Variants in THSD7B observed in about 807,000 individuals in gnomAD.
THSD7B encodes thrombospondin type 1 domain containing 7B, also known as thrombospondin type-1 domain-containing protein 7B.
Under a neutral mutation model 213.6 loss-of-function variants are expected in THSD7B, and 138 were observed. The observed-to-expected ratio is 0.65, with a 90% confidence interval of 0.56 to 0.74. THSD7B has a LOEUF of 0.74. Among genes scored for constraint, THSD7B ranks in the 30% least tolerant of loss-of-function variants. The pLI, the probability that THSD7B is intolerant of heterozygous loss-of-function variation, is 0.00. For synonymous variants in THSD7B, 742 were observed against 687.0 expected (o/e 1.08, Z -1.25); for missense variants, 1,931 against 1,991.5 (o/e 0.97, Z 0.58).
intron 2 of THSD7B, among the ~76,000 whole-genome samples, chr2:136,902,943 A>G (rs929538924): frequency 1.3e-5 from 2 of 152,204 alleles, no homozygotes; most frequent in Non-Finnish European, 2.9e-5. Flanking sequence ...AAGCTGGTCC[A>G]GCATAGAGGC....
chr2:136,843,704 C>A (rs1357668170), intron 1 of THSD7B, among the ~76,000 whole-genome samples: 1 of 152,120 alleles, frequency 6.6e-6, no homozygotes, highest in Non-Finnish European at 1.5e-5. Context: ...CACTTGTTAC[C>A]TGATTTGCAG....
chr2:136,969,320 C>A (rs1002873978), intron 2 of THSD7B, among the ~76,000 whole-genome samples: 23 of 152,250 alleles, frequency 1.5e-4, no homozygotes, highest in African/African-American at 5.5e-4. Context: ...TGTTTCTCAG[C>A]ACATGGCTAT....
rs544807289 is a variant in THSD7B, at chr2:137,083,415, T to G, written c.951-11458T>G. On this transcript the variant is annotated intron_variant, in intron 3 of 27. Transcript: ENST00000409968. ...CTTCTCCGTCATATTTTTAAAACTC[T>G]TATTCAAATACCTTTGTTAAATTTC... is the stretch of plus-strand genomic sequence containing the variant. 6.6e-5 allele frequency among the ~76,000 whole-genome samples: 10 copies of G among 152,154 alleles called. No individual in the cohort carries two copies. In the South Asian group the frequency reaches 1.4e-3, roughly 22 times the overall value.
Position 137,320,690 on chromosome 2 carries a change from A to C in THSD7B, c.2500+44664A>C, listed in dbSNP as rs185234354. Among the ~76,000 whole-genome samples the C allele has an allele frequency of 1.2e-3, 184 of 152,354 alleles. 3 individuals are homozygous for C. Among genetic ancestry groups the C allele is most frequent in the Middle Eastern group, 6.8e-3 (2 of 294 alleles). On this transcript the variant is annotated intron_variant, in intron 12 of 27. Coordinates refer to ENST00000409968, the MANE Select transcript of THSD7B (RefSeq NM_001316349.2). The stretch of plus-strand genomic sequence containing the variant: ...TTTACTGTGAATCCACTAACCATCT[A>C]AAAAGTGCTTACAAAGGTGGAATGG...
rs116640322 is a variant in THSD7B, at chr2:136,769,958, A to G, written c.-36+4271A>G. On this transcript the variant is annotated intron_variant, in intron 1 of 27. Coordinates refer to ENST00000409968, the MANE Select transcript of THSD7B (RefSeq NM_001316349.2). ...TGAGCCTCTTGTAATTAAACATGCC[A>G]TAGCTAAAAACAGAATCCTAAGTAA... is the stretch of plus-strand genomic sequence containing the variant. Among the ~76,000 whole-genome samples, 153 of 152,352 alleles carry G rather than the reference A, an allele frequency of 1.0e-3. 1 individual carries two copies. The highest frequency in any genetic ancestry group is 4.4e-3 in the East Asian group (23 of 5,190).
intron 1 of THSD7B, among the ~76,000 whole-genome samples, chr2:136,846,487 A>G (rs1683012144): frequency 6.6e-6 from 1 of 152,194 alleles, no homozygotes; most frequent in Non-Finnish European, 1.5e-5. Flanking sequence ...GCAACACCCC[A>G]GTACCTGCCT....
intron 5 of THSD7B, among the ~76,000 whole-genome samples, chr2:137,130,531 C>A: frequency 8.6e-6 from 1 of 116,914 alleles, no homozygotes. Flanking sequence ...CTTCCCCCTC[C>A]CCCCACCCCA....
chr2:137,237,559 G>T (rs917173997), intron 9 of THSD7B, among the ~76,000 whole-genome samples: 1 of 152,200 alleles, frequency 6.6e-6, no homozygotes, highest in Non-Finnish European at 1.5e-5. Flanking sequence ...CAAAATTAGT[G>T]TATGTACAGC....
Position 137,293,343 on chromosome 2 carries a change from G to A in THSD7B, c.2500+17317G>A, listed in dbSNP as rs114911448. Among the ~76,000 whole-genome samples the A allele has an allele frequency of 2.3e-3, 348 of 151,948 alleles. 2 individuals carry two copies. The highest frequency in any genetic ancestry group is 8.1e-3 in the African/African-American group (336 of 41,464). ...GGGTAGAAACGGGTTTTGCCATGTT[G>A]CCCAGGATGACCTAAAATCCCTGAG... On this transcript the variant is annotated intron_variant, in intron 12 of 27. Coordinates refer to ENST00000409968, the MANE Select transcript of THSD7B (RefSeq NM_001316349.2).
intron 1 of THSD7B, among the ~76,000 whole-genome samples, chr2:136,870,215 T>C (rs1683410212): frequency 6.6e-6 from 1 of 152,242 alleles, no homozygotes; most frequent in Admixed American, 6.5e-5. Flanking sequence ...GAATAATTTC[T>C]CAAAATGTTT....
intron 5 of THSD7B, among the ~76,000 whole-genome samples, chr2:137,134,432 A>T (rs1688794867): frequency 6.6e-6 from 1 of 152,144 alleles, no homozygotes; most frequent in South Asian, 2.1e-4. Context: ...TGGGGACGAA[A>T]GGGGTACTCT....
At chr2:137,029,857 G>A (rs1686630015) in intron 2 of THSD7B, among the ~76,000 whole-genome samples, 1 of 152,168 alleles carries the variant, frequency 6.6e-6, no homozygotes, top group South Asian at 2.1e-4. Flanking sequence ...ACGGAGCATA[G>A]CCTTGGAAAT....
intron 15 of THSD7B, among the ~76,000 whole-genome samples, chr2:137,536,072 G>A (rs78281594): frequency 0.14 from 21,056 of 148,544 alleles, 1,665 homozygotes; most frequent in South Asian, 0.28. Flanking sequence ...CTCAAAACAC[G>A]GCAGGGCCCT....
At chr2:137,550,681 G>A (rs559519228) in intron 15 of THSD7B, among the ~76,000 whole-genome samples, 14 of 152,124 alleles carry the variant, frequency 9.2e-5, no homozygotes, top group African/African-American at 3.1e-4. Flanking sequence ...CATGGCTTAC[G>A]ACTGCATTTA....
At chr2:137,536,307 G>A (rs188328240) in intron 15 of THSD7B, among the ~76,000 whole-genome samples, 38 of 151,526 alleles carry the variant, frequency 2.5e-4, no homozygotes, top group African/African-American at 8.2e-4. Context: ...TGTCTGCTGA[G>A]TCTCAAAAAT....
chr2:137,100,849 G>T (rs146691579), intron 4 of THSD7B, among the ~76,000 whole-genome samples: 2 of 152,240 alleles, frequency 1.3e-5, no homozygotes, highest in East Asian at 3.9e-4. Flanking sequence ...CAGGAAGCTT[G>T]CCACAGTTCC....
chr2:137,556,368 A>G (rs1412553833), intron 15 of THSD7B, among the ~76,000 whole-genome samples: 2 of 152,202 alleles, frequency 1.3e-5, no homozygotes, highest in African/African-American at 4.8e-5. Context: ...ACAAGCCAAA[A>G]GAGAGTGGGG....
chr2:137,396,492 C>G lies in THSD7B; in HGVS notation c.2501-9121C>G, dbSNP rs1233378610. Reference sequence around the variant, plus strand: ...AGCGGTTTTGAGTGAGATTCTTAATCCTGAGTTCTAGTTTGATTGCACTGT... The same window carrying G: ...AGCGGTTTTGAGTGAGATTCTTAATGCTGAGTTCTAGTTTGATTGCACTGT... On this transcript the variant is annotated intron_variant, in intron 12 of 27. Transcript: ENST00000409968. Among the ~76,000 whole-genome samples, 9 of 146,202 alleles carry G rather than the reference C, an allele frequency of 6.2e-5. 1 individual carries two copies. Among genetic ancestry groups the G allele is most frequent in the Admixed American group, 3.4e-4 (5 of 14,566 alleles).
chr2:137,429,228 A>G lies in THSD7B; in HGVS notation c.2959+17356A>G, dbSNP rs976959045. On this transcript the variant is annotated intron_variant, in intron 14 of 27. Transcript: ENST00000409968. ...TTTGGGGGTGATTAAAGTATTGTCA[A>G]ATTGTGGTAATAGTTGTACAGCTCT... Among the ~76,000 whole-genome samples the G allele has an allele frequency of 2.6e-5, 4 of 152,180 alleles. No homozygotes were observed. The South Asian group carries it at 6.2e-4, about 24-fold the overall frequency.
Sources: allele counts gnomAD v4.1 joint callset (sites outside exome capture counted in the v4.1 genomes callset), GRCh38; gene constraint gnomAD v4.1.1; transcripts MANE v1.5; gene names NCBI Gene and HGNC (gene_info 2026-07-23, HGNC 2026-07-21).